PRELID2: variants seen among roughly 807,000 people sequenced by gnomAD.
The protein encoded by PRELID2 is PRELI domain containing 2, also known as PRELI domain-containing protein 2.
PRELID2 carries 25 observed loss-of-function variants against 28.4 expected under a neutral mutation model. That is an observed-to-expected ratio of 0.88 (90% CI 0.64 to 1.23). The LOEUF is 1.23. Ranked by LOEUF, PRELID2 falls within the 50% of genes most tolerant of loss-of-function variation. The pLI is 0.00. For synonymous variants in PRELID2, 76 were observed against 71.6 expected (o/e 1.06, Z -0.31); for missense variants, 201 against 214.4 (o/e 0.94, Z 0.39).
chr5:145,626,871 G>A (rs756009900), intron 1 of PRELID2, among the ~76,000 whole-genome samples: 4 of 151,846 alleles, frequency 2.6e-5, no homozygotes, highest in Admixed American at 1.3e-4. Flanking sequence ...AGGCCAAGGC[G>A]GGTGGATCAC....
At chr5:145,508,857 A>G (rs1020469102) in intron 1 of PRELID2, among the ~76,000 whole-genome samples, 1 of 152,224 alleles carries the variant, frequency 6.6e-6, no homozygotes, top group Admixed American at 6.5e-5. Context: ...ATAACCAGCA[A>G]GCAACATCAT....
At chr5:145,767,378 A>T (rs1171771207) in intron 5 of PRELID2, among the ~76,000 whole-genome samples, 1 of 151,886 alleles carries the variant, frequency 6.6e-6, no homozygotes, top group African/African-American at 2.4e-5. Context: ...GCTCAGTAAA[A>T]TCCTCCACAT....
chr5:145,777,626 C>T (rs750035690), intron 5 of PRELID2, among the ~76,000 whole-genome samples: 4 of 152,188 alleles, frequency 2.6e-5, no homozygotes, highest in Non-Finnish European at 4.4e-5. Flanking sequence ...GGGCTGCACA[C>T]TCCATGAAGC....
At chr5:145,717,690 T>C (rs1474395098) in intron 1 of PRELID2, among the ~76,000 whole-genome samples, 1 of 150,974 alleles carries the variant, frequency 6.6e-6, no homozygotes, top group Non-Finnish European at 1.5e-5. Flanking sequence ...AAAATAATTA[T>C]AATAAAATTT....
At chr5:145,312,395 C>A in the PRELID2 span, among the ~76,000 whole-genome samples, 337 of 152,248 alleles carry the variant, frequency 2.2e-3, 2 homozygotes, top group African/African-American at 7.8e-3. Context: ...TTCAACTATA[C>A]AATACATTAG....
chr5:145,368,839 G>A, the PRELID2 span, among the ~76,000 whole-genome samples: 2 of 151,158 alleles, frequency 1.3e-5, no homozygotes, highest in Non-Finnish European at 3.0e-5. Flanking sequence ...AAATTCAGGG[G>A]TACATGTGCA....
chr5:145,804,843 A>ATTAGT (rs1753389059), intron 4 of PRELID2, among the ~76,000 whole-genome samples: 1 of 152,144 alleles, frequency 6.6e-6, no homozygotes, highest in Admixed American at 6.5e-5. Context: ...GAAGCTTCAA[A>ATTAGT]TTACACAATG....
intron 1 of PRELID2, among the ~76,000 whole-genome samples, chr5:145,621,264 A>G (rs1405260652): frequency 6.6e-6 from 1 of 152,206 alleles, no homozygotes; most frequent in African/African-American, 2.4e-5. Context: ...AATTATAATA[A>G]TAATAACAAC....
the PRELID2 span, among the ~76,000 whole-genome samples, chr5:145,360,117 C>G: frequency 6.6e-6 from 1 of 152,118 alleles, no homozygotes; most frequent in South Asian, 2.1e-4. Context: ...TCCTGTGGGT[C>G]CTCCTCCTCC....
At chr5:145,514,923 A>T (rs1477004352) in intron 1 of PRELID2, among the ~76,000 whole-genome samples, 1 of 152,228 alleles carries the variant, frequency 6.6e-6, no homozygotes, top group East Asian at 1.9e-4. Context: ...AAATAACAAA[A>T]TTAAGGCAGA....
At chr5:145,654,454 A>C (rs1754355596) in intron 1 of PRELID2, among the ~76,000 whole-genome samples, 2 of 152,222 alleles carry the variant, frequency 1.3e-5, no homozygotes, top group South Asian at 4.1e-4. Context: ...AAAAAAGAGA[A>C]TTTTAGACCA....
intron 1 of PRELID2, among the ~76,000 whole-genome samples, chr5:145,479,265 G>T (rs867100073): frequency 1.3e-5 from 2 of 152,140 alleles, no homozygotes; most frequent in African/African-American, 2.4e-5. Flanking sequence ...CTGAAAGAAA[G>T]CTTTCTTTTC....
the PRELID2 span, among the ~76,000 whole-genome samples, chr5:145,286,930 G>A: frequency 2.0e-5 from 3 of 151,982 alleles, no homozygotes; most frequent in Admixed American, 2.0e-4. Flanking sequence ...GGCTGGTCTT[G>A]AACTCCTGAC....
At chr5:145,510,564 G>A (rs1006774150) in intron 1 of PRELID2, among the ~76,000 whole-genome samples, 1 of 152,190 alleles carries the variant, frequency 6.6e-6, no homozygotes, top group African/African-American at 2.4e-5. Context: ...TTGATGTGAA[G>A]GGGAGGAAGA....
intron 1 of PRELID2, among the ~76,000 whole-genome samples, chr5:145,834,390 A>C (rs1323743867): frequency 6.6e-6 from 1 of 152,206 alleles, no homozygotes; most frequent in Non-Finnish European, 1.5e-5. Context: ...AATTTGTGAT[A>C]CAAAGAACAA....
At chr5:145,811,167 T>G (rs1200231347) in intron 4 of PRELID2, among the ~76,000 whole-genome samples, 2 of 147,330 alleles carry the variant, frequency 1.4e-5, no homozygotes, top group African/African-American at 5.0e-5. Flanking sequence ...CTCGTGAAAC[T>G]TATTCACTAT....
intron 1 of PRELID2, among the ~76,000 whole-genome samples, chr5:145,532,640 G>A (rs913904586): frequency 4.0e-5 from 6 of 151,886 alleles, no homozygotes; most frequent in Admixed American, 6.6e-5. Flanking sequence ...CCAGCCCCTG[G>A]TAACCACTAT....
the PRELID2 span, among the ~76,000 whole-genome samples, chr5:145,306,148 G>C: frequency 2.0e-5 from 3 of 152,160 alleles, no homozygotes; most frequent in Admixed American, 6.5e-5. Context: ...TGGAACACTA[G>C]TTAATGCAGT....
chr5:145,441,533 T>G, the PRELID2 span, among the ~76,000 whole-genome samples: 1 of 152,122 alleles, frequency 6.6e-6, no homozygotes, highest in African/African-American at 2.4e-5. Context: ...TTGTCATCAT[T>G]GAAATTATAT....
Sources: allele counts gnomAD v4.1 joint callset (sites outside exome capture counted in the v4.1 genomes callset), GRCh38; gene constraint gnomAD v4.1.1; transcripts MANE v1.5; gene names NCBI Gene and HGNC (gene_info 2026-07-23, HGNC 2026-07-21).